Variants in RXFP2 observed in about 807,000 individuals in gnomAD.
The protein encoded by RXFP2 is relaxin receptor 2.
RXFP2 carries 68 observed loss-of-function variants against 88.6 expected under a neutral mutation model. That is an observed-to-expected ratio of 0.77 (90% confidence interval 0.63 to 0.94). RXFP2 has a LOEUF of 0.94. Ranked by LOEUF, RXFP2 falls within the 40% of genes least tolerant of loss-of-function variation. The probability of loss-of-function intolerance (pLI) is 0.00; values close to 1 mark genes in which losing one functional copy is unlikely to be tolerated. For missense variants in RXFP2, 791 were observed against 893.9 expected (o/e 0.88, Z 1.47); for synonymous variants, 329 against 306.8 (o/e 1.07, Z -0.76).
chr13:31,780,971 G>A (rs905722246), intron 9 of RXFP2, among the ~76,000 whole-genome samples: 1 of 152,218 alleles, frequency 6.6e-6, no homozygotes, highest in East Asian at 1.9e-4. Context: ...ATTCTGAGCA[G>A]CATTGCCCTT....
chr13:31,791,659 T>C, intron 14 of RXFP2, 147 bp from the exon 15 acceptor site: 1 of 662,408 alleles, frequency 1.5e-6, no homozygotes. Context: ...CATGAAGAAC[T>C]CTTTAATTAT....
Position 31,792,701 on chromosome 13 carries a change from T to A in RXFP2, c.1399T>A (p.Tyr467Asn). Reference protein sequence around the residue: ...LCCADCLMGVYLFFVGIFDIK... With the variant: ...LCCADCLMGVNLFFVGIFDIK... ...AGGTGCTGATTGCCTGATGGGTGTT[T>A]ACTTGTTCTTTGTTGGCATTTTCGA... Residue 467 changes from tyrosine (Y) to asparagine (N), a missense_variant, in exon 16 of 18, where the codon TAC becomes AAC. Physicochemically the swap from Tyr to Asn is moderately radical, Grantham distance 143. Coordinates refer to ENST00000298386, the MANE Select transcript of RXFP2 (RefSeq NM_130806.5). 6.2e-7 allele frequency: 1 copy of A among 1,614,156 alleles called. No individual in the cohort carries two copies. Among genetic ancestry groups the A allele is most frequent in the Non-Finnish European group, 8.5e-7 (1 of 1,180,006 alleles).
intron 5 of RXFP2, among the ~76,000 whole-genome samples, chr13:31,766,714 G>A (rs1207772107): frequency 6.6e-6 from 1 of 152,100 alleles, no homozygotes; most frequent in Non-Finnish European, 1.5e-5. Flanking sequence ...AGAAACCTTA[G>A]GATGATGAAT....
At chr13:31,802,027 GAAAACTT>G (rs1207582360) in intron 17 of RXFP2, 112 bp from the exon 18 acceptor site, 3 of 1,026,072 alleles carry the variant, frequency 2.9e-6, no homozygotes, top group Non-Finnish European at 4.4e-6. Context: ...TCAGGTGAGA[GAAAACTT>G]AAAATGTACT....
chr13:31,768,104 A>G (rs1239301972), intron 5 of RXFP2, among the ~76,000 whole-genome samples: 1 of 152,204 alleles, frequency 6.6e-6, no homozygotes, highest in Non-Finnish European at 1.5e-5. Flanking sequence ...GTGAAAAAAG[A>G]TAGAGACTAA....
At chr13:31,770,712 A>C (rs770947735) in intron 5 of RXFP2, among the ~76,000 whole-genome samples, 12 of 152,162 alleles carry the variant, frequency 7.9e-5, no homozygotes, top group Non-Finnish European at 1.6e-4. Flanking sequence ...TGAGTTTTAC[A>C]CATGACTCGG....
intron 7 of RXFP2, among the ~76,000 whole-genome samples, chr13:31,776,986 A>G (rs1247785952): frequency 6.6e-6 from 1 of 152,182 alleles, no homozygotes; most frequent in Non-Finnish European, 1.5e-5. Flanking sequence ...GTGATTTCCT[A>G]AAAATTATAC....
At chr13:31,798,076 C>T (rs975115586) in intron 17 of RXFP2, among the ~76,000 whole-genome samples, 3 of 152,158 alleles carry the variant, frequency 2.0e-5, no homozygotes, top group Non-Finnish European at 4.4e-5. Context: ...CATCGTCAAC[C>T]TACTGTTCCA....
intron 1 of RXFP2, among the ~76,000 whole-genome samples, chr13:31,752,840 G>A (rs1871734869): frequency 1.3e-5 from 2 of 152,140 alleles, no homozygotes; most frequent in Non-Finnish European, 2.9e-5. Flanking sequence ...AGTGATGGAC[G>A]CTGTCTGCTT....
intron 14 of RXFP2, among the ~76,000 whole-genome samples, chr13:31,791,363 C>T (rs1873780825): frequency 6.6e-6 from 1 of 152,144 alleles, no homozygotes; most frequent in Non-Finnish European, 1.5e-5. Context: ...AGTCAGTAGA[C>T]CTCGGTGTTT....
intron 1 of RXFP2, 138 bp from the exon 2 acceptor site, chr13:31,758,120 A>T (rs1872053001): frequency 2.3e-6 from 2 of 871,572 alleles, no homozygotes; most frequent in East Asian, 4.9e-5. Flanking sequence ...GTCATTGAGA[A>T]TATTATTCAA....
intron 11 of RXFP2, among the ~76,000 whole-genome samples, chr13:31,783,530 T>TA (rs1483807924): frequency 3.3e-5 from 5 of 152,216 alleles, no homozygotes; most frequent in Non-Finnish European, 7.3e-5. Flanking sequence ...AAGAGTAATC[T>TA]AAAAAATAAC....
intron 2 of RXFP2, among the ~76,000 whole-genome samples, chr13:31,758,847 G>A (rs1412533651): frequency 6.6e-6 from 1 of 152,010 alleles, no homozygotes; most frequent in Admixed American, 6.5e-5. Flanking sequence ...AGATCAGCCT[G>A]GCCAACATGG....
chr13:31,798,981 G>T (rs1015456995), intron 17 of RXFP2, among the ~76,000 whole-genome samples: 3 of 152,050 alleles, frequency 2.0e-5, no homozygotes, highest in African/African-American at 7.3e-5. Context: ...AGGTTTATTG[G>T]CCTCATGTGA....
chr13:31,751,479 C>T (rs114236793), intron 1 of RXFP2, among the ~76,000 whole-genome samples: 51 of 152,244 alleles, frequency 3.3e-4, no homozygotes, highest in African/African-American at 1.2e-3. Flanking sequence ...TGGTCTAGTC[C>T]TGTGCAGTTT....
chr13:31,777,532 A>G (rs1470306212), intron 8 of RXFP2, 85 bp downstream of exon 8: 1 of 1,043,472 alleles, frequency 9.6e-7, no homozygotes, highest in Non-Finnish European at 1.4e-6. Flanking sequence ...CTTTTAAAAA[A>G]ATCAAGCCCA....
intron 1 of RXFP2, among the ~76,000 whole-genome samples, chr13:31,756,908 T>G (rs1014934268): frequency 3.3e-5 from 5 of 152,106 alleles, no homozygotes; most frequent in Non-Finnish European, 7.4e-5. Context: ...CGTGAGCTAC[T>G]GCACCTGGAC....
intron 1 of RXFP2, among the ~76,000 whole-genome samples, chr13:31,744,418 A>G (rs868178141): frequency 1.3e-5 from 2 of 152,206 alleles, no homozygotes; most frequent in African/African-American, 4.8e-5. Context: ...TCAGTAGGAA[A>G]CTATATAGTT....
At chr13:31,740,218 A>T (rs1871176205) in intron 1 of RXFP2, among the ~76,000 whole-genome samples, 1 of 152,106 alleles carries the variant, frequency 6.6e-6, no homozygotes, top group African/African-American at 2.4e-5. Context: ...AAGTCTATAC[A>T]AGTGCATTTA....
Sources: allele counts gnomAD v4.1 joint callset (sites outside exome capture counted in the v4.1 genomes callset), GRCh38; gene constraint gnomAD v4.1.1; transcripts MANE v1.5; gene names NCBI Gene and HGNC (gene_info 2026-07-23, HGNC 2026-07-21).